Variants in LINGO2 observed in about 807,000 individuals in gnomAD.
LINGO2 encodes leucine rich repeat and Ig domain containing 2.
A neutral mutation model predicts 30.6 loss-of-function variants in LINGO2; 14 were observed. The observed-to-expected ratio is 0.46, with a 90% CI of 0.30 to 0.72. The LOEUF (loss-of-function observed/expected upper bound fraction) is 0.72. LINGO2 is among the 30% of genes least tolerant of loss of function. LINGO2 has a pLI of 0.07. For synonymous variants in LINGO2, 317 were observed against 288.5 expected (o/e 1.10, Z -1.00); for missense variants, 729 against 751.7 (o/e 0.97, Z 0.35).
At chr9:28,286,106 G>A (rs866550519) in intron 4 of LINGO2, among the ~76,000 whole-genome samples, 23 of 152,252 alleles carry the variant, frequency 1.5e-4, no homozygotes, top group Non-Finnish European at 3.1e-4. Context: ...ATGATTATAT[G>A]TCACTCTGTG....
intron 4 of LINGO2, among the ~76,000 whole-genome samples, chr9:28,257,094 GTT>G (rs140718171): frequency 6.8e-6 from 1 of 147,554 alleles, no homozygotes; most frequent in African/African-American, 2.5e-5. Context: ...GTTACTTTTA[GTT>G]TTTTTTTTCT....
chr9:29,010,094 G>A, the LINGO2 span, among the ~76,000 whole-genome samples: 2 of 152,042 alleles, frequency 1.3e-5, no homozygotes, highest in Non-Finnish European at 2.9e-5. Flanking sequence ...GAAACCCTAG[G>A]CAATACCATT....
At chr9:29,171,634 A>G in the LINGO2 span, among the ~76,000 whole-genome samples, 1 of 151,988 alleles carries the variant, frequency 6.6e-6, no homozygotes, top group Non-Finnish European at 1.5e-5. Context: ...CTGGCTTAAT[A>G]AGCAATGATT....
chr9:28,061,092 T>C (rs1302925002), intron 4 of LINGO2, among the ~76,000 whole-genome samples: 1 of 151,646 alleles, frequency 6.6e-6, no homozygotes, highest in Admixed American at 6.6e-5. Flanking sequence ...AATTATTTGT[T>C]ATGGTTATTT....
chr9:28,431,168 C>G (rs1392493198), intron 2 of LINGO2, among the ~76,000 whole-genome samples: 1 of 152,052 alleles, frequency 6.6e-6, no homozygotes, highest in Non-Finnish European at 1.5e-5. Flanking sequence ...AGCAGTAAGT[C>G]TGGCCACATT....
the LINGO2 span, among the ~76,000 whole-genome samples, chr9:28,918,845 C>G: frequency 6.6e-6 from 1 of 151,980 alleles, no homozygotes; most frequent in Non-Finnish European, 1.5e-5. Context: ...ACTAAAACAA[C>G]AAAATCAAAA....
chr9:27,950,743 G>T (rs747769503), intron 5 of LINGO2, 37 bp from the exon 7 acceptor site: 143 of 1,259,242 alleles, frequency 1.1e-4, no homozygotes, highest in Non-Finnish European at 1.4e-4. Flanking sequence ...GGAAGAGAAG[G>T]TGAGTTAGGA....
the LINGO2 span, among the ~76,000 whole-genome samples, chr9:28,742,410 G>T: frequency 2.0e-5 from 3 of 151,214 alleles, no homozygotes; most frequent in Non-Finnish European, 4.4e-5. Context: ...GCAAAGTCCT[G>T]TTCTGCCATC....
chr9:29,036,418 A>T, the LINGO2 span, among the ~76,000 whole-genome samples: 6 of 152,090 alleles, frequency 3.9e-5, no homozygotes, highest in Non-Finnish European at 8.8e-5. Flanking sequence ...GAAAAAAAAT[A>T]ATGAATCATT....
chr9:28,978,093 G>T, the LINGO2 span, among the ~76,000 whole-genome samples: 5 of 152,026 alleles, frequency 3.3e-5, no homozygotes, highest in Admixed American at 2.0e-4. Flanking sequence ...TTAGACTATG[G>T]CAATGAAATC....
At chr9:28,807,200 T>G in the LINGO2 span, among the ~76,000 whole-genome samples, 5 of 151,946 alleles carry the variant, frequency 3.3e-5, no homozygotes, top group Admixed American at 2.6e-4. Context: ...AATTTTTGTA[T>G]TTTTAGTAGA....
chr9:27,975,986 G>A (rs1004576572), intron 5 of LINGO2, among the ~76,000 whole-genome samples: 1 of 152,200 alleles, frequency 6.6e-6, no homozygotes, highest in Non-Finnish European at 1.5e-5. Flanking sequence ...AGGGCAGGAA[G>A]GTGGCACAGA....
In LINGO2 at chr9:28,123,826, G is replaced by T. The variant is rs150719176; in HGVS notation, c.-86-111421C>A. Among the ~76,000 whole-genome samples, 1,055 of 151,944 alleles carry T rather than the reference G, an allele frequency of 6.9e-3. 19 individuals are homozygous for T. The highest frequency in any genetic ancestry group is 0.024 in the African/African-American group (983 of 41,414). On this transcript the variant is annotated intron_variant, in intron 4 of 5. Transcript: ENST00000379992. ...CTACAGGCACCCGCCACCACTCCTG[G>T]CTAATTTTTTGTATTTTTTTCAGTA...
chr9:29,162,742 T>C, the LINGO2 span, among the ~76,000 whole-genome samples: 1 of 152,134 alleles, frequency 6.6e-6, no homozygotes, highest in Non-Finnish European at 1.5e-5. Context: ...TAATATAAAA[T>C]AGAATTATGT....
At chr9:28,884,939 A>ACT in the LINGO2 span, among the ~76,000 whole-genome samples, 4 of 13,986 alleles carry the variant, frequency 2.9e-4, no homozygotes, top group Non-Finnish European at 5.5e-4. Flanking sequence ...TATTATATAT[A>ACT]ATATATATAA....
chr9:28,649,944 T>G, intron 1 of LINGO2, among the ~76,000 whole-genome samples: 1 of 151,422 alleles, frequency 6.6e-6, no homozygotes, highest in Non-Finnish European at 1.5e-5. Context: ...TTGGTCAGTA[T>G]GAAAAACTAA....
chr9:28,439,756 C>T (rs1824114738), intron 2 of LINGO2, among the ~76,000 whole-genome samples: 1 of 152,080 alleles, frequency 6.6e-6, no homozygotes, highest in African/African-American at 2.4e-5. Context: ...CTTTTTTCTT[C>T]ATAAATTAGC....
At chr9:28,842,002 A>C in the LINGO2 span, among the ~76,000 whole-genome samples, 1 of 151,786 alleles carries the variant, frequency 6.6e-6, no homozygotes, top group Non-Finnish European at 1.5e-5. Context: ...TACTGAAAAC[A>C]CTTCCTACTT....
the LINGO2 span, among the ~76,000 whole-genome samples, chr9:28,867,055 T>C: frequency 6.6e-6 from 1 of 152,072 alleles, no homozygotes; most frequent in African/African-American, 2.4e-5. Flanking sequence ...TCAGCTCTAT[T>C]TAAAATAACT....
Sources: gnomAD v4.1 joint callset for allele counts (sites outside exome capture counted in the v4.1 genomes callset) on GRCh38, gnomAD v4.1.1 for gene constraint, MANE v1.5 for transcripts, NCBI Gene and HGNC (gene_info 2026-07-23, HGNC 2026-07-21) for gene names.